The following GARIN5B variants were observed in gnomAD, a reference collection of about 807,000 sequenced individuals.
GARIN5B encodes golgi associated RAB2 interactor family member 5B, also known as Golgi-associated RAB2 interactor protein 5B.
chr19:55,355,279 C>T, the GARIN5B span: 1 of 1,545,036 alleles, frequency 6.5e-7, no homozygotes, highest in Non-Finnish European at 8.7e-7. Context: ...CTGGGCTCCT[C>T]TGGACAGTTT....
At chr19:55,361,763 C>G in the GARIN5B span, among the ~76,000 whole-genome samples, 1 of 58,840 alleles carries the variant, frequency 1.7e-5, no homozygotes, top group African/African-American at 3.7e-5. Flanking sequence ...GCCCTCCACC[C>G]TCAGACCCAG....
chr19:55,359,306 G>C, the GARIN5B span: 1 of 1,517,078 alleles, frequency 6.6e-7, no homozygotes, highest in Non-Finnish European at 8.8e-7. Context: ...AGCAGTGGGG[G>C]ACACAGCCTT....
chr19:55,362,859 C>A, the GARIN5B span: 2 of 1,468,642 alleles, frequency 1.4e-6, no homozygotes, highest in Non-Finnish European at 1.8e-6. Context: ...TCCCCCAGCA[C>A]GGGGGGCCTT....
chr19:55,359,648 A>G, the GARIN5B span: 1 of 1,550,658 alleles, frequency 6.4e-7, no homozygotes, highest in East Asian at 2.4e-5. Flanking sequence ...ACAAGATGTG[A>G]CAAGGCCAGA....
chr19:55,356,277 G>C, the GARIN5B span, among the ~76,000 whole-genome samples: 8 of 150,932 alleles, frequency 5.3e-5, no homozygotes, highest in South Asian at 1.7e-3. Context: ...GTGGCACGAT[G>C]GTGGGTCACT....
the GARIN5B span, chr19:55,358,532 GGCTGCTCCTTCATCTCGCCCCA>G: frequency 3.2e-5 from 1 of 31,730 alleles, no homozygotes. Context: ...CTCGCCCCAT[GGCTGCTCCTTCATCTCGCCCCA>G]TGGCCGCTTG....
chr19:55,359,578 C>T, the GARIN5B span: 1 of 1,551,206 alleles, frequency 6.4e-7, no homozygotes. Context: ...GTGGGGGTTT[C>T]CACGATGAAG....
At chr19:55,360,963 TCCCA>T in the GARIN5B span, 1 of 1,546,782 alleles carries the variant, frequency 6.5e-7, no homozygotes, top group Non-Finnish European at 8.7e-7. Context: ...TCCCACCTTC[TCCCA>T]CCCACCCACC....
the GARIN5B span, among the ~76,000 whole-genome samples, chr19:55,357,013 C>T: frequency 1.6e-4 from 25 of 152,132 alleles, no homozygotes; most frequent in Non-Finnish European, 2.1e-4. Context: ...GCTGAGATCG[C>T]GCCACTGCAC....
chr19:55,357,040 G>C, the GARIN5B span, among the ~76,000 whole-genome samples: 3 of 152,162 alleles, frequency 2.0e-5, no homozygotes, highest in African/African-American at 7.2e-5. Context: ...CTGGGCGACA[G>C]AGCAAGACTC....
the GARIN5B span, chr19:55,362,163 C>A: frequency 1.4e-6 from 2 of 1,434,496 alleles, no homozygotes; most frequent in African/African-American, 1.4e-5. Context: ...AGACTTTGGG[C>A]TCTTGGTCGC....
At chr19:55,359,771 G>C in the GARIN5B span, 1 of 1,551,396 alleles carries the variant, frequency 6.4e-7, no homozygotes, top group Non-Finnish European at 8.7e-7. Context: ...GGCAGCCGGG[G>C]GATAGGGAGC....
chr19:55,361,148 G>A, the GARIN5B span: 2 of 1,551,268 alleles, frequency 1.3e-6, no homozygotes, highest in Non-Finnish European at 1.7e-6. Context: ...GCAGCCCCTT[G>A]GGCCCACACC....
chr19:55,358,875 C>G, the GARIN5B span: 1 of 1,549,636 alleles, frequency 6.5e-7, no homozygotes. Flanking sequence ...TGCTCCAACT[C>G]CTTGGATCTC....
At chr19:55,362,380 G>T in the GARIN5B span, 1 of 1,550,556 alleles carries the variant, frequency 6.4e-7, no homozygotes, top group Non-Finnish European at 8.7e-7. Flanking sequence ...GGAACAGGAA[G>T]CCCACCTCGT....
the GARIN5B span, chr19:55,358,943 A>G: frequency 6.4e-7 from 1 of 1,551,118 alleles, no homozygotes; most frequent in South Asian, 1.2e-5. Context: ...CCAGTCCTCC[A>G]ACTTCCCCTG....
At chr19:55,355,443 A>AG in the GARIN5B span, 1 of 1,258,822 alleles carries the variant, frequency 7.9e-7, no homozygotes, top group South Asian at 1.3e-5. Flanking sequence ...GGCTTAGGAG[A>AG]GCGTCCCCCA....
the GARIN5B span, chr19:55,359,918 T>G: frequency 6.4e-7 from 1 of 1,551,226 alleles, no homozygotes; most frequent in African/African-American, 1.4e-5. Flanking sequence ...TGAGACACAG[T>G]GTGAAGGGCT....
the GARIN5B span, chr19:55,361,476 A>T: frequency 2.1e-6 from 3 of 1,462,274 alleles, no homozygotes; most frequent in South Asian, 1.4e-5. Flanking sequence ...GGGCTTCCAC[A>T]TCTCCATAAC....
Sources: allele counts gnomAD v4.1 joint callset (sites outside exome capture counted in the v4.1 genomes callset), GRCh38; gene constraint gnomAD v4.1.1; transcripts MANE v1.5; gene names NCBI Gene and HGNC (gene_info 2026-07-23, HGNC 2026-07-21).